GDAP2: variants seen among roughly 807,000 people sequenced by gnomAD.
GDAP2 encodes the protein ganglioside induced differentiation associated protein 2, also known as ganglioside-induced differentiation-associated protein 2.
In GDAP2, 51 loss-of-function variants were observed where a neutral mutation model predicts 67.0. That is an observed-to-expected ratio of 0.76 (90% CI 0.61 to 0.96). GDAP2 has a LOEUF of 0.96. GDAP2 is among the 40% of genes least tolerant of loss of function. The pLI is 0.00. For missense variants in GDAP2, 547 were observed against 588.3 expected (o/e 0.93, Z 0.73); for synonymous variants, 203 against 207.3 (o/e 0.98, Z 0.18).
At chr1:117,884,518 T>G (rs1346679518) in intron 10 of GDAP2, among the ~76,000 whole-genome samples, 1 of 152,182 alleles carries the variant, frequency 6.6e-6, no homozygotes, top group Non-Finnish European at 1.5e-5. Context: ...AGGATCCAAC[T>G]GCTACTAGAG....
At chr1:117,897,466 C>A (rs1312737039) in intron 7 of GDAP2, among the ~76,000 whole-genome samples, 2 of 152,194 alleles carry the variant, frequency 1.3e-5, no homozygotes, top group African/African-American at 2.4e-5. Flanking sequence ...AGAGTATGAT[C>A]CACATTCCTT....
intron 3 of GDAP2, among the ~76,000 whole-genome samples, chr1:117,917,897 C>T (rs559767692): frequency 1.5e-3 from 225 of 152,204 alleles, no homozygotes; most frequent in African/African-American, 5.3e-3. Context: ...TCTTGTTTTG[C>T]AGTTCAGTTA....
chr1:117,894,044 T>A (rs984400308), intron 8 of GDAP2, among the ~76,000 whole-genome samples: 11 of 152,198 alleles, frequency 7.2e-5, no homozygotes, highest in Non-Finnish European at 1.3e-4. Context: ...GCGTCTGCAT[T>A]TAAATTACTG....
intron 1 of GDAP2, among the ~76,000 whole-genome samples, chr1:117,924,656 A>T (rs1057180818): frequency 6.6e-6 from 1 of 152,236 alleles, no homozygotes; most frequent in African/African-American, 2.4e-5. Flanking sequence ...GTGATCATTT[A>T]TATAACAATT....
chr1:117,881,355 T>A (rs970114259), intron 12 of GDAP2, among the ~76,000 whole-genome samples: 1 of 152,150 alleles, frequency 6.6e-6, no homozygotes, highest in African/African-American at 2.4e-5. Flanking sequence ...TGCTGGCTCA[T>A]GTATAAGGAA....
At chr1:117,885,680 T>G (rs898415283) in intron 10 of GDAP2, among the ~76,000 whole-genome samples, 13 of 152,198 alleles carry the variant, frequency 8.5e-5, no homozygotes, top group African/African-American at 2.7e-4. Flanking sequence ...GTTTGAGGAC[T>G]TAGCCAGAAG....
intron 8 of GDAP2, among the ~76,000 whole-genome samples, chr1:117,889,361 C>T (rs984524845): frequency 4.0e-5 from 6 of 151,574 alleles, no homozygotes; most frequent in Non-Finnish European, 7.4e-5. Context: ...TATCAATTTT[C>T]GGGTATACAA....
intron 10 of GDAP2, among the ~76,000 whole-genome samples, chr1:117,885,649 AC>A (rs1648826399): frequency 6.6e-6 from 1 of 152,116 alleles, no homozygotes; most frequent in South Asian, 2.1e-4. Context: ...AGTTTTTTTT[AC>A]CCAACAACAG....
At chr1:117,877,527 C>T (rs1041743821) in intron 13 of GDAP2, 3 of 974,082 alleles carry the variant, frequency 3.1e-6, no homozygotes, top group Non-Finnish European at 3.7e-6. Flanking sequence ...TAAATAACAA[C>T]AATAATATTA....
chr1:117,877,735 A>G (rs1648512388), intron 13 of GDAP2: 2 of 1,148,582 alleles, frequency 1.7e-6, no homozygotes, highest in South Asian at 7.8e-5. Flanking sequence ...TAAATATGGT[A>G]GAAAACTTAC....
In GDAP2 at chr1:117,870,436, T is replaced by TA. The variant is rs1331561562; in HGVS notation, c.*132dup. Reference sequence around the variant, plus strand: ...TATGTGCCAGAAAATATACAGTCAATAAAAAAATACCAGAGAGGTGGGGAC... The same window carrying TA: ...TATGTGCCAGAAAATATACAGTCAATAAAAAAAATACCAGAGAGGTGGGGAC... On this transcript the variant is annotated 3_prime_UTR_variant, in exon 14 of 14. Transcript: ENST00000369443. The TA allele has an allele frequency of 2.9e-6, 2 of 684,250 alleles. No individual in the cohort carries two copies. Among genetic ancestry groups the TA allele is most frequent in the Non-Finnish European group, 5.2e-6 (2 of 381,962 alleles). The allele number at this position is 684,250 out of a possible 1,614,324, so 42.4% of individuals were successfully genotyped here.
intron 13 of GDAP2, among the ~76,000 whole-genome samples, chr1:117,874,051 G>A (rs767072381): frequency 1.5e-4 from 23 of 152,136 alleles, no homozygotes; most frequent in Non-Finnish European, 3.2e-4. Context: ...ACTCTTCACT[G>A]ACTACAAAGC....
At chr1:117,873,350 T>C (rs112679107) in intron 13 of GDAP2, among the ~76,000 whole-genome samples, 2,041 of 152,220 alleles carry the variant, frequency 0.013, 36 homozygotes, top group South Asian at 0.093. Context: ...TCCTATAAAA[T>C]TGATGTTGCT....
At chr1:117,911,345 A>G (rs557405177) in intron 5 of GDAP2, among the ~76,000 whole-genome samples, 1 of 152,326 alleles carries the variant, frequency 6.6e-6, no homozygotes, top group South Asian at 2.1e-4. Flanking sequence ...TTCAAATAGC[A>G]TGTGTGAATG....
At chr1:117,894,123 A>T (rs1649183345) in intron 8 of GDAP2, among the ~76,000 whole-genome samples, 1 of 152,016 alleles carries the variant, frequency 6.6e-6, no homozygotes, top group Non-Finnish European at 1.5e-5. Context: ...AATGAAAAAG[A>T]AAAATAAGTC....
In GDAP2 at chr1:117,912,199, T is replaced by A. The variant is rs1183348424; in HGVS notation, c.471-117A>T. ...TCTCCTTTCCTCCCTCTTCAACAAA[T>A]CTACTATAATAGCTAACCCAACTGT... is the stretch of plus-strand genomic sequence containing the variant. On this transcript the variant is annotated intron_variant, in intron 4 of 13. Coordinates refer to ENST00000369443, the MANE Select transcript of GDAP2 (RefSeq NM_017686.4). 6 of 685,750 alleles carry A rather than the reference T, an allele frequency of 8.7e-6. No homozygotes were observed. In the East Asian group the frequency reaches 1.4e-4, roughly 15 times the overall value. The allele number at this position is 685,750 out of a possible 1,614,324, so 42.5% of individuals were successfully genotyped here. A position where few individuals can be genotyped will look rare whatever the true frequency, so the allele number is the denominator to read the frequency against.
Position 117,924,894 on chromosome 1 carries a change from T to C in GDAP2, c.-67-4470A>G, listed in dbSNP as rs117078427. ...CAGAGGACAAATGAAGACTATATAC[T>C]CTTCTATCATGGTTAAATTGCCTCA... On this transcript the variant is annotated intron_variant, in intron 1 of 13. Transcript: ENST00000369443. 7.2e-5 allele frequency among the ~76,000 whole-genome samples: 11 copies of C among 152,236 alleles called. No individual in the cohort carries two copies. In the East Asian group the frequency reaches 2.1e-3, roughly 29 times the overall value.
At chr1:117,900,146 T>C (rs552042721) in intron 6 of GDAP2, among the ~76,000 whole-genome samples, 123 of 152,188 alleles carry the variant, frequency 8.1e-4, no homozygotes, top group Non-Finnish European at 6.0e-4. Context: ...ATTCAGTGTT[T>C]GTTTTCGTTT....
intron 5 of GDAP2, among the ~76,000 whole-genome samples, chr1:117,909,268 TA>T (rs1395995280): frequency 6.6e-6 from 1 of 152,222 alleles, no homozygotes; most frequent in Non-Finnish European, 1.5e-5. Context: ...GTATTTTGTA[TA>T]CAGCACATAG....
Sources: allele counts gnomAD v4.1 joint callset (sites outside exome capture counted in the v4.1 genomes callset), GRCh38; gene constraint gnomAD v4.1.1; transcripts MANE v1.5; gene names NCBI Gene and HGNC (gene_info 2026-07-23, HGNC 2026-07-21).